The following LIPH variants were observed in gnomAD, a reference collection of about 807,000 sequenced individuals.
The protein encoded by LIPH is lipase member H.
A neutral mutation model predicts 47.6 loss-of-function variants in LIPH; 32 were observed. That is an observed-to-expected ratio of 0.67 (90% confidence interval 0.51 to 0.90). The LOEUF (loss-of-function observed/expected upper bound fraction) is 0.90. LIPH is among the 40% of genes least tolerant of loss of function. The pLI, the probability that LIPH is intolerant of heterozygous loss-of-function variation, is 0.00. For missense variants in LIPH, 497 were observed against 541.4 expected (o/e 0.92, Z 0.81); for synonymous variants, 190 against 195.6 (o/e 0.97, Z 0.24).
intron 3 of LIPH, among the ~76,000 whole-genome samples, 163 bp downstream of exon 3, chr3:185,533,408 C>T (rs144725287): frequency 2.0e-5 from 3 of 152,056 alleles, no homozygotes; most frequent in African/African-American, 4.8e-5. Context: ...AGCCTGAGGT[C>T]AATATTATTT....
At chr3:185,515,577 C>T (rs764966310) in intron 7 of LIPH, among the ~76,000 whole-genome samples, 3 of 151,986 alleles carry the variant, frequency 2.0e-5, no homozygotes, top group South Asian at 2.1e-4. Context: ...GGCGTAATCT[C>T]GGTTCACGGC....
chr3:185,528,701 A>G (rs1246923856), intron 3 of LIPH, among the ~76,000 whole-genome samples: 2 of 152,170 alleles, frequency 1.3e-5, no homozygotes, highest in African/African-American at 4.8e-5. Flanking sequence ...GAAGAGGGAA[A>G]CCAAGTGGGT....
chr3:185,547,629 C>G (rs1415831774), intron 1 of LIPH, among the ~76,000 whole-genome samples: 2 of 152,104 alleles, frequency 1.3e-5, no homozygotes, highest in Admixed American at 6.5e-5. Flanking sequence ...GCCTGGCCAG[C>G]CTGGCCAACA....
rs1560167737 is a variant in LIPH at position 185,535,043 on chromosome 3, T to G, written c.139A>C (p.Thr47Pro). 6.2e-7 allele frequency: 1 copy of G among 1,613,862 alleles called. No individual in the cohort carries two copies. Among genetic ancestry groups the G allele is most frequent in the East Asian group, 2.2e-5 (1 of 44,874 alleles). ...TGTGCGCAGGTCAGGTTTTTCCTTG[T>G]GTAGAGCATCAGCCTCACATTTAGT... ...TGLNVRLMLY[T>P]RKNLTCAQTI... is the part of the protein sequence containing the mutation. The change falls in exon 2 of 10, where the codon ACA (threonine) becomes CCA (proline). Residue 47 changes from threonine (T) to proline (P), a missense_variant. Coordinates refer to ENST00000296252, the MANE Select transcript of LIPH (RefSeq NM_139248.3).
At chr3:185,526,278 T>C (rs1030024272) in intron 4 of LIPH, among the ~76,000 whole-genome samples, 2 of 152,122 alleles carry the variant, frequency 1.3e-5, no homozygotes, top group Non-Finnish European at 2.9e-5. Flanking sequence ...CCCAGCACTT[T>C]GGGAGGCAAA....
chr3:185,508,496 G>A lies in LIPH; in HGVS notation c.*294C>T. On this transcript the variant is annotated 3_prime_UTR_variant, in exon 10 of 10. Transcript: ENST00000296252. Reference sequence around the variant, plus strand: ...ATGGGCAGAACCACCCGCGTGACAGGCAGCAGAATTGACAGGTCGGAACAA... The same window carrying A: ...ATGGGCAGAACCACCCGCGTGACAGACAGCAGAATTGACAGGTCGGAACAA... 2.5e-6 allele frequency: 1 copy of A among 407,222 alleles called. No individual in the cohort carries two copies. 25.2% of individuals were successfully genotyped at this position (407,222 alleles called of 1,614,324 possible). A position where few individuals can be genotyped will look rare whatever the true frequency, so the allele number is the denominator to read the frequency against.
rs1378167105 is a variant in LIPH at position 185,508,550 on chromosome 3, C to T, written c.*240G>A. 14 of 523,662 alleles carry T rather than the reference C, an allele frequency of 2.7e-5. No homozygotes were observed. Among genetic ancestry groups the T allele is most frequent in the Non-Finnish European group, 4.5e-5 (13 of 290,288 alleles). The allele number at this position is 523,662 out of a possible 1,614,324, so 32.4% of individuals were successfully genotyped here. ...AGGCCCCAGGACACAGCAGACACAGCGCTGCGCTGCTGCGAGCCTGGCTAT... is the reference window on the plus strand; with the variant it reads ...AGGCCCCAGGACACAGCAGACACAGTGCTGCGCTGCTGCGAGCCTGGCTAT... On this transcript the variant is annotated 3_prime_UTR_variant, in exon 10 of 10. Transcript: ENST00000296252.
chr3:185,537,331 C>A (rs904329373), intron 1 of LIPH, among the ~76,000 whole-genome samples: 2 of 152,070 alleles, frequency 1.3e-5, no homozygotes, highest in African/African-American at 4.8e-5. Context: ...CTTTGAAATC[C>A]CTCATCCTAG....
chr3:185,534,902 C>T lies in LIPH; in HGVS notation c.280G>A (p.Gly94Ser). 1 of 1,614,154 alleles carries T rather than the reference C, an allele frequency of 6.2e-7. No homozygotes were observed. The highest frequency in any genetic ancestry group is 8.5e-7 in the Non-Finnish European group (1 of 1,180,026). ...PPVWMDDLVKGLLSVEDMNVV... is the reference protein window; with the variant it reads ...PPVWMDDLVKSLLSVEDMNVV... ...TTCATGTCTTCAACAGAGAGCAAAC[C>T]CTTTACTAAGTCATCCATCCAAACA... is the stretch of plus-strand genomic sequence containing the variant. Residue 94 changes from glycine (G) to serine (S), a missense_variant, in exon 2 of 10, where the codon GGT becomes AGT. By Grantham distance (56) the Gly-to-Ser change is moderately conservative. Coordinates refer to ENST00000296252, the MANE Select transcript of LIPH (RefSeq NM_139248.3).
At chr3:185,533,787 C>A in intron 2 of LIPH, 108 bp from the exon 3 acceptor site, 2 of 714,636 alleles carry the variant, frequency 2.8e-6, no homozygotes, top group Admixed American at 4.4e-5. Context: ...AAGCACCTTA[C>A]ATCTATTATC....
chr3:185,518,922 C>CCATTTTGCCCAGGCTGGTCT (rs1719814956), intron 6 of LIPH, among the ~76,000 whole-genome samples: 1 of 151,864 alleles, frequency 6.6e-6, no homozygotes. Context: ...CAGGGATTCA[C>CCATTTTGCCCAGGCTGGTCT]CATTTTGCCC....
chr3:185,526,188 C>A (rs1470017092), intron 4 of LIPH, among the ~76,000 whole-genome samples: 4 of 151,486 alleles, frequency 2.6e-5, no homozygotes, highest in African/African-American at 9.7e-5. Flanking sequence ...CATAGCGAGA[C>A]CCCCATCTCT....
At position 185,510,164 on chromosome 3, in the gene LIPH, G is replaced by A. The variant is rs150216305; in HGVS notation, c.1269-1287C>T. Among the ~76,000 whole-genome samples, 982 of 152,200 alleles carry A rather than the reference G, an allele frequency of 6.5e-3. 4 individuals carry two copies. The highest frequency in any genetic ancestry group is 0.011 in the Non-Finnish European group (718 of 68,016). On this transcript the variant is annotated intron_variant, in intron 9 of 9. Coordinates refer to ENST00000296252, the MANE Select transcript of LIPH (RefSeq NM_139248.3). Reference sequence around the variant, plus strand: ...GGGTTTCACCACATTGGCCAGGCTGGTCTAGAACTCCTGACCTCAGGTGAT... The same window carrying A: ...GGGTTTCACCACATTGGCCAGGCTGATCTAGAACTCCTGACCTCAGGTGAT...
chr3:185,534,081 G>C (rs544895605), intron 2 of LIPH, among the ~76,000 whole-genome samples: 10 of 152,128 alleles, frequency 6.6e-5, no homozygotes, highest in Non-Finnish European at 1.5e-4. Context: ...AAATTAGCCG[G>C]GCGCAGTGGC....
At position 185,524,450 on chromosome 3, in the gene LIPH, CT is replaced by C. The variant is rs563332434; in HGVS notation, c.629-291del. Among the ~76,000 whole-genome samples, 1,137 of 138,148 alleles carry C rather than the reference CT, an allele frequency of 8.2e-3. 4 individuals are homozygous for C. Among genetic ancestry groups the C allele is most frequent in the South Asian group, 0.039 (169 of 4,358 alleles). 90.6% of individuals were successfully genotyped at this position (138,148 alleles called of 152,430 possible). A position where few individuals can be genotyped will look rare whatever the true frequency, so the allele number is the denominator to read the frequency against. ...GCTAATAAAATGATACATTTCTTCT[CT>C]TTTTTTTTTTTTTTTTGAGATGGAG... On this transcript the variant is annotated intron_variant, in intron 4 of 9. Transcript: ENST00000296252.
rs866940502 is a variant in LIPH at position 185,538,902 on chromosome 3, C to T, written c.50-3770G>A. On this transcript the variant is annotated intron_variant, in intron 1 of 9. Transcript: ENST00000296252. Reference sequence around the variant, plus strand: ...ATATATACATATATACGTATATACACATATACACATATATACACATATACA... The same window carrying T: ...ATATATACATATATACGTATATACATATATACACATATATACACATATACA... 2.5e-3 allele frequency among the ~76,000 whole-genome samples: 148 copies of T among 58,748 alleles called. 1 individual carries two copies. Among genetic ancestry groups the T allele is most frequent in the African/African-American group, 9.0e-3 (145 of 16,122 alleles). The allele number at this position is 58,748 out of a possible 152,430, so 38.5% of individuals were successfully genotyped here. A position where few individuals can be genotyped will look rare whatever the true frequency, so the allele number is the denominator to read the frequency against.
chr3:185,547,826 C>CAAAA lies in LIPH; in HGVS notation c.49+4593_49+4596dup, dbSNP rs548499364. Reference sequence around the variant, plus strand: ...GGCAACAAGAGCAAAACTCCATCTCCAAAAAAAAAAAAAAGAAGAAGAAAG... The same window carrying CAAAA: ...GGCAACAAGAGCAAAACTCCATCTCCAAAAAAAAAAAAAAAAAAGAAGAAGAAAG... On this transcript the variant is annotated intron_variant, in intron 1 of 9. Transcript: ENST00000296252. Among the ~76,000 whole-genome samples, 22 of 113,592 alleles carry CAAAA rather than the reference C, an allele frequency of 1.9e-4. 1 individual carries two copies. Among genetic ancestry groups the CAAAA allele is most frequent in the East Asian group, 1.4e-3 (6 of 4,192 alleles). 74.5% of individuals were successfully genotyped at this position (113,592 alleles called of 152,430 possible).
At chr3:185,549,801 C>T (rs988533882) in intron 1 of LIPH, among the ~76,000 whole-genome samples, 7 of 152,080 alleles carry the variant, frequency 4.6e-5, no homozygotes, top group Non-Finnish European at 8.8e-5. Context: ...CTCAAGCGAT[C>T]CTCCCACCTC....
At chr3:185,528,246 GAA>G (rs1369879870) in intron 3 of LIPH, among the ~76,000 whole-genome samples, 14 of 117,286 alleles carry the variant, frequency 1.2e-4, no homozygotes, top group Non-Finnish European at 2.1e-4. Context: ...GAGAGAGAGA[GAA>G]AGAAAAAAAG....
Sources: allele counts gnomAD v4.1 joint callset (sites outside exome capture counted in the v4.1 genomes callset), GRCh38; gene constraint gnomAD v4.1.1; transcripts MANE v1.5; gene names NCBI Gene and HGNC (gene_info 2026-07-23, HGNC 2026-07-21).